Variants in NELL1 observed in about 807,000 individuals in gnomAD.
NELL1 encodes neural EGFL like 1, also known as protein kinase C-binding protein NELL1.
A neutral mutation model predicts 107.4 loss-of-function variants in NELL1; 76 were observed. The observed-to-expected ratio is 0.71, with a 90% CI of 0.59 to 0.86. The LOEUF is 0.86. NELL1 is among the 40% of genes least tolerant of loss of function. The pLI is 0.00. For missense variants in NELL1, 1,024 were observed against 1,005.5 expected (o/e 1.02, Z -0.25); for synonymous variants, 353 against 341.2 (o/e 1.03, Z -0.38).
intron 2 of NELL1, among the ~76,000 whole-genome samples, chr11:20,782,743 T>A (rs1590289210): frequency 6.6e-6 from 1 of 152,298 alleles, no homozygotes; most frequent in East Asian, 1.9e-4. Context: ...CCAAACACAC[T>A]TCTAATGTTC....
chr11:20,686,164 T>A (rs1420389329), intron 2 of NELL1, among the ~76,000 whole-genome samples: 1 of 152,164 alleles, frequency 6.6e-6, no homozygotes, highest in African/African-American at 2.4e-5. Flanking sequence ...AGCTGTGAAT[T>A]GTGTGTTCAG....
Position 20,929,119 on chromosome 11 carries a change from G to C in NELL1, c.997+640G>C, listed in dbSNP as rs543801465. ...GGATATTAGCTTACGAAAATCATGA[G>C]GCTGGTGAGTGGCAGAGGTGAGACA... On this transcript the variant is annotated intron_variant, in intron 9 of 19. Coordinates refer to ENST00000357134, the MANE Select transcript of NELL1 (RefSeq NM_006157.5). 2.5e-4 allele frequency among the ~76,000 whole-genome samples: 38 copies of C among 152,302 alleles called. 1 individual carries two copies. Among genetic ancestry groups the C allele is most frequent in the African/African-American group, 8.2e-4 (34 of 41,564 alleles).
intron 3 of NELL1, among the ~76,000 whole-genome samples, chr11:20,799,665 G>GTATA (rs1165857648): frequency 6.6e-6 from 1 of 151,824 alleles, no homozygotes; most frequent in Non-Finnish European, 1.5e-5. Flanking sequence ...ATGTGTGTAT[G>GTATA]TATGTATGTA....
In NELL1 at chr11:20,973,412, C is replaced by T. The variant is rs142668357; in HGVS notation, c.1300+12852C>T. ...CATGAGCCACTGCGTCCAGCCTCTT[C>T]GTTACTTTTTCTTAACATATTTTTT... On this transcript the variant is annotated intron_variant, in intron 12 of 19. Transcript: ENST00000357134. Among the ~76,000 whole-genome samples the T allele has an allele frequency of 2.3e-3, 345 of 152,230 alleles. 1 individual carries two copies. The highest frequency in any genetic ancestry group is 7.4e-3 in the African/African-American group (308 of 41,562).
intron 14 of NELL1, among the ~76,000 whole-genome samples, chr11:21,250,033 CTG>C (rs1047391543): frequency 1.3e-5 from 2 of 152,142 alleles, no homozygotes; most frequent in Admixed American, 1.3e-4. Context: ...TGGGTTTAAA[CTG>C]TGGAGCTTTC....
intron 12 of NELL1, among the ~76,000 whole-genome samples, chr11:21,032,146 C>G (rs966444930): frequency 2.0e-5 from 3 of 151,604 alleles, no homozygotes; most frequent in African/African-American, 7.3e-5. Context: ...AGAAATACCT[C>G]TTTATGTGTT....
chr11:20,741,444 G>A (rs1855887435), intron 2 of NELL1, among the ~76,000 whole-genome samples: 1 of 152,092 alleles, frequency 6.6e-6, no homozygotes. Context: ...TTTTTCCATT[G>A]TGATTAAACT....
chr11:21,163,892 A>G (rs1441924822), intron 13 of NELL1, among the ~76,000 whole-genome samples: 1 of 151,720 alleles, frequency 6.6e-6, no homozygotes, highest in Non-Finnish European at 1.5e-5. Flanking sequence ...GCTTCAATAT[A>G]TGAATTTTGA....
At chr11:20,751,983 A>G (rs1177558377) in intron 2 of NELL1, among the ~76,000 whole-genome samples, 2 of 152,104 alleles carry the variant, frequency 1.3e-5, no homozygotes, top group Non-Finnish European at 2.9e-5. Context: ...GGCAGATTCT[A>G]TAAGGTTTTC....
intron 12 of NELL1, among the ~76,000 whole-genome samples, chr11:21,049,210 C>T (rs994826513): frequency 1.3e-5 from 2 of 152,170 alleles, no homozygotes; most frequent in African/African-American, 4.8e-5. Flanking sequence ...CAGCTCTTCT[C>T]CACTAAGGGA....
chr11:20,976,062 C>T (rs1461610831), intron 12 of NELL1, among the ~76,000 whole-genome samples: 1 of 145,586 alleles, frequency 6.9e-6, no homozygotes, highest in Non-Finnish European at 1.5e-5. Flanking sequence ...ATACATATAT[C>T]TGTACATATA....
At chr11:20,822,101 A>G (rs1471035980) in intron 3 of NELL1, among the ~76,000 whole-genome samples, 5 of 152,222 alleles carry the variant, frequency 3.3e-5, no homozygotes, top group African/African-American at 1.2e-4. Flanking sequence ...CTAGGAGTGG[A>G]CAGGAGCAGA....
At chr11:20,908,176 A>T (rs568662978) in intron 5 of NELL1, among the ~76,000 whole-genome samples, 1 of 152,180 alleles carries the variant, frequency 6.6e-6, no homozygotes, top group Non-Finnish European at 1.5e-5. Context: ...CAGAAATACC[A>T]TTTGACCCAG....
chr11:20,805,650 C>T (rs934039048), intron 3 of NELL1, among the ~76,000 whole-genome samples: 4 of 152,134 alleles, frequency 2.6e-5, no homozygotes, highest in Non-Finnish European at 4.4e-5. Flanking sequence ...CTACAGGTGC[C>T]CACCACCATG....
At chr11:21,309,311 TA>T (rs542623930) in intron 14 of NELL1, among the ~76,000 whole-genome samples, 5 of 136,388 alleles carry the variant, frequency 3.7e-5, no homozygotes, top group Non-Finnish European at 4.6e-5. Context: ...TATATATATA[TA>T]ATATATATAT....
At chr11:21,148,252 A>T (rs1269556751) in intron 13 of NELL1, among the ~76,000 whole-genome samples, 1 of 152,224 alleles carries the variant, frequency 6.6e-6, no homozygotes, top group African/African-American at 2.4e-5. Flanking sequence ...ACCAAGGCAT[A>T]TTCAATATTT....
chr11:21,200,348 T>A (rs1295491932), intron 13 of NELL1, among the ~76,000 whole-genome samples: 2 of 152,244 alleles, frequency 1.3e-5, no homozygotes, highest in African/African-American at 4.8e-5. Flanking sequence ...CTAACTGGAA[T>A]GAGATGGTAT....
At chr11:21,265,206 C>CA (rs1241302060) in intron 14 of NELL1, among the ~76,000 whole-genome samples, 1 of 151,836 alleles carries the variant, frequency 6.6e-6, no homozygotes, top group Non-Finnish European at 1.5e-5. Context: ...AGCCAAAAAC[C>CA]AAAAAAATTC....
At chr11:21,438,439 G>C (rs1378941122) in intron 15 of NELL1, among the ~76,000 whole-genome samples, 1 of 152,094 alleles carries the variant, frequency 6.6e-6, no homozygotes, top group Non-Finnish European at 1.5e-5. Context: ...GTGACTCAGA[G>C]AGAACTTTTT....
Sources: allele counts gnomAD v4.1 joint callset (sites outside exome capture counted in the v4.1 genomes callset), GRCh38; gene constraint gnomAD v4.1.1; transcripts MANE v1.5; gene names NCBI Gene and HGNC (gene_info 2026-07-23, HGNC 2026-07-21).